CCDC85C: variants seen among roughly 807,000 people sequenced by gnomAD.
The protein encoded by CCDC85C is coiled-coil domain containing 85C, also known as coiled-coil domain-containing protein 85C.
CCDC85C carries 18 observed loss-of-function variants against 38.3 expected under a neutral mutation model. The ratio of observed to expected loss-of-function variants is 0.47; its 90% CI spans 0.33 to 0.70. The LOEUF (loss-of-function observed/expected upper bound fraction) is 0.70, where lower values mean the gene tolerates loss of function less well. Among genes scored for constraint, CCDC85C ranks in the 30% least tolerant of loss-of-function variants. The pLI is 0.03. For synonymous variants in CCDC85C, 264 were observed against 293.8 expected (o/e 0.90, Z 1.04); for missense variants, 566 against 621.2 (o/e 0.91, Z 0.94).
rs1346177381 is a variant in CCDC85C at position 99,503,394 on chromosome 14, A to G, written c.*11852T>C. The G allele has an allele frequency of 1.7e-6, 1 of 603,884 alleles. No homozygotes were observed. Among genetic ancestry groups the G allele is most frequent in the African/African-American group, 1.9e-5 (1 of 53,906 alleles). The allele number at this position is 603,884 out of a possible 1,614,324, so 37.4% of individuals were successfully genotyped here. A position where few individuals can be genotyped will look rare whatever the true frequency, so the allele number is the denominator to read the frequency against. ...AACTCACCATTCAGGAAAGCTAGTC[A>G]TTCTGTCTTATTTGGTAAATGGAAA... On this transcript the variant is annotated 3_prime_UTR_variant, in exon 6 of 6. Transcript: ENST00000380243.
At position 99,501,069 on chromosome 14, in the gene CCDC85C, A is replaced by T; in HGVS notation, c.*14177T>A. The T allele has an allele frequency of 5.0e-6, 3 of 602,520 alleles. No individual in the cohort carries two copies. The highest frequency in any genetic ancestry group is 5.8e-6 in the Non-Finnish European group (2 of 342,796). The allele number at this position is 602,520 out of a possible 1,614,324, so 37.3% of individuals were successfully genotyped here. A position where few individuals can be genotyped will look rare whatever the true frequency, so the allele number is the denominator to read the frequency against. ...TATGTATAAACAGGCTCTGTCATCC[A>T]GTTGCCAAGTGATGGGAGAGGCAGG... On this transcript the variant is annotated 3_prime_UTR_variant, in exon 6 of 6. Transcript: ENST00000380243.
rs74440231 is a variant in CCDC85C, at chr14:99,569,833, C to A, written c.793+33334G>T. On this transcript the variant is annotated intron_variant, in intron 1 of 5. Transcript: ENST00000380243. This position sits in a 1 kb window ranked among gnomAD's most constrained non-coding sequence, Gnocchi z 4.3. ...CTGCGGATACTGGAGGTTAGAAAGACCCCTGTTGTAATCCCAACTTTGGGA... is the reference window on the plus strand; with the variant it reads ...CTGCGGATACTGGAGGTTAGAAAGAACCCTGTTGTAATCCCAACTTTGGGA... 0.016 allele frequency among the ~76,000 whole-genome samples: 2,380 copies of A among 152,194 alleles called. 66 individuals are homozygous for A. Among genetic ancestry groups the A allele is most frequent in the African/African-American group, 0.054 (2,258 of 41,526 alleles).
At chr14:99,598,126 C>T (rs1337266814) in intron 1 of CCDC85C, among the ~76,000 whole-genome samples, 1 of 152,294 alleles carries the variant, frequency 6.6e-6, no homozygotes, top group South Asian at 2.1e-4. Flanking sequence ...ATGGGGCCTT[C>T]GCACATCAGG....
intron 1 of CCDC85C, among the ~76,000 whole-genome samples, chr14:99,571,539 G>A (rs1243536018): frequency 6.6e-6 from 1 of 152,224 alleles, no homozygotes; most frequent in Non-Finnish European, 1.5e-5. Flanking sequence ...CCCTGACGGG[G>A]AGGTTCAGCC....
intron 1 of CCDC85C, among the ~76,000 whole-genome samples, chr14:99,560,028 C>T (rs1057297409): frequency 6.6e-6 from 1 of 152,088 alleles, no homozygotes; most frequent in Non-Finnish European, 1.5e-5. Context: ...ATCAAACCTG[C>T]ACCTAGGCCC....
intron 1 of CCDC85C, among the ~76,000 whole-genome samples, chr14:99,578,544 C>T (rs757572354): frequency 3.9e-5 from 6 of 152,312 alleles, no homozygotes; most frequent in Non-Finnish European, 8.8e-5. Flanking sequence ...CACATGTCTC[C>T]ACACCCACAT....
intron 1 of CCDC85C, among the ~76,000 whole-genome samples, chr14:99,546,225 G>C (rs1022917037): frequency 5.9e-5 from 9 of 151,968 alleles, no homozygotes; most frequent in Non-Finnish European, 1.2e-4. Context: ...TGTGGGAAGA[G>C]CTGGGGGGCC....
At position 99,603,227 on chromosome 14, in the gene CCDC85C, G is replaced by T; in HGVS notation, c.733C>A (p.Arg245=). The change falls in exon 1 of 6, where the codon CGG becomes AGG. Residue 245 remains arginine, a synonymous_variant. Transcript: ENST00000380243. This position sits in a 1 kb window ranked among gnomAD's most constrained non-coding sequence, Gnocchi z 7.5. Reference sequence around the variant, plus strand: ...GGCGCCGACAAGTCGTCCAGGGACCGACGTGTGGCTCCTGCCTTGCCGTCG... The same window carrying T: ...GGCGCCGACAAGTCGTCCAGGGACCTACGTGTGGCTCCTGCCTTGCCGTCG... The part of the protein sequence containing the change: ...APDGKAGATR[R]SLDDLSAPPH... The T allele has an allele frequency of 5.6e-6, 8 of 1,420,400 alleles. No homozygotes were observed. 88.0% of individuals were successfully genotyped at this position (1,420,400 alleles called of 1,614,324 possible).
chr14:99,534,126 T>C (rs373096373), intron 2 of CCDC85C, among the ~76,000 whole-genome samples: 7 of 151,928 alleles, frequency 4.6e-5, no homozygotes, highest in African/African-American at 1.7e-4. Context: ...GAGCCTGATG[T>C]GAGAGGATCA....
chr14:99,502,690 G>A lies in CCDC85C; in HGVS notation c.*12556C>T, dbSNP rs750879696. 16 of 1,602,340 alleles carry A rather than the reference G, an allele frequency of 1.0e-5. 1 individual carries two copies. The South Asian group carries it at 1.7e-4, about 17-fold the overall frequency. On this transcript the variant is annotated 3_prime_UTR_variant, in exon 6 of 6. Coordinates refer to ENST00000380243, the MANE Select transcript of CCDC85C (RefSeq NM_001144995.2). ...AATTTTATTTAAAATACCAATTTGT[G>A]TAAAATGTAATTGTTGGCTATCATT...
At chr14:99,584,405 T>G (rs2055006269) in intron 1 of CCDC85C, among the ~76,000 whole-genome samples, 1 of 152,186 alleles carries the variant, frequency 6.6e-6, no homozygotes, top group Non-Finnish European at 1.5e-5. Context: ...GAGGTGCTCC[T>G]GCCCCCATCC....
At chr14:99,571,846 A>C (rs1401140999) in intron 1 of CCDC85C, among the ~76,000 whole-genome samples, 2 of 152,130 alleles carry the variant, frequency 1.3e-5, no homozygotes, top group Non-Finnish European at 2.9e-5. Context: ...AGAACAACAA[A>C]TCCCACCTGC....
At position 99,503,569 on chromosome 14, in the gene CCDC85C, T is replaced by C. The variant is rs1360419591; in HGVS notation, c.*11677A>G. ...ATAATCCATTTTTTTCTCATCATAC[T>C]CAGGATCCCAGTTAACAATTGTGTA... On this transcript the variant is annotated 3_prime_UTR_variant, in exon 6 of 6. Coordinates refer to ENST00000380243, the MANE Select transcript of CCDC85C (RefSeq NM_001144995.2). The C allele has an allele frequency of 1.3e-6, 2 of 1,530,122 alleles. No homozygotes were observed. The highest frequency in any genetic ancestry group is 1.8e-6 in the Non-Finnish European group (2 of 1,129,410). The allele number at this position is 1,530,122 out of a possible 1,614,324, so 94.8% of individuals were successfully genotyped here.
At chr14:99,534,356 CAAAA>C (rs80313731) in intron 2 of CCDC85C, among the ~76,000 whole-genome samples, 1 of 136,790 alleles carries the variant, frequency 7.3e-6, no homozygotes, top group African/African-American at 2.7e-5. Flanking sequence ...AATTCCATCT[CAAAA>C]AAAAAAAAAG....
Position 99,533,756 on chromosome 14 carries a change from G to A in CCDC85C, c.867+2259C>T, listed in dbSNP as rs1897537463. Among the ~76,000 whole-genome samples, 2 of 152,322 alleles carry A rather than the reference G, an allele frequency of 1.3e-5. No individual in the cohort carries two copies. The highest frequency in any genetic ancestry group is 3.9e-4 in the East Asian group (2 of 5,160). On this transcript the variant is annotated intron_variant, in intron 2 of 5. Transcript: ENST00000380243. The surrounding 1 kb of genome is among the most constrained non-coding windows in gnomAD (Gnocchi z 4.2). ...AGCCCGTCCATCCTTGAGGCTCAAG[G>A]CTGAAGCTCCCATCTACCTCCACCT...
At chr14:99,575,239 C>G (rs551563446) in intron 1 of CCDC85C, among the ~76,000 whole-genome samples, 3 of 152,328 alleles carry the variant, frequency 2.0e-5, no homozygotes, top group South Asian at 4.1e-4. Context: ...CATTAGGATG[C>G]TTAGTGTGCA....
chr14:99,603,067 C>T lies in CCDC85C; in HGVS notation c.793+100G>A, dbSNP rs2055221437. The T allele has an allele frequency of 2.4e-6, 3 of 1,246,544 alleles. No individual in the cohort carries two copies. Among genetic ancestry groups the T allele is most frequent in the Non-Finnish European group, 3.0e-6 (3 of 991,458 alleles). 77.2% of individuals were successfully genotyped at this position (1,246,544 alleles called of 1,614,324 possible). ...AGCTGGAGGAGTCTGGAGTGGCGGC[C>T]GCATGAGTGGGACAGCCAGGGACCA... On this transcript the variant is annotated intron_variant, in intron 1 of 5. Transcript: ENST00000380243. The surrounding 1 kb of genome is among the most constrained non-coding windows in gnomAD (Gnocchi z 7.5).
chr14:99,534,797 C>T (rs953244232), intron 2 of CCDC85C: 11 of 693,572 alleles, frequency 1.6e-5, no homozygotes, highest in Non-Finnish European at 2.9e-5. Flanking sequence ...GGGAAGCCAG[C>T]ACGGCCTGTG....
In CCDC85C at chr14:99,505,947, T is replaced by C. The variant is rs1269266424; in HGVS notation, c.*9299A>G. 6.6e-6 allele frequency: 1 copy of C among 152,378 alleles called. No individual in the cohort carries two copies. The highest frequency in any genetic ancestry group is 2.4e-5 in the African/African-American group (1 of 41,482). The allele number at this position is 152,378 out of a possible 1,614,324, so 9.4% of individuals were successfully genotyped here. A position where few individuals can be genotyped will look rare whatever the true frequency, so the allele number is the denominator to read the frequency against. On this transcript the variant is annotated 3_prime_UTR_variant, in exon 6 of 6. Coordinates refer to ENST00000380243, the MANE Select transcript of CCDC85C (RefSeq NM_001144995.2). ...TGGACAGCCCTGATGTAGACGGCTT[T>C]AGCTAACTATTACCAGCTGTGGAAA...
Sources: allele counts gnomAD v4.1 joint callset (sites outside exome capture counted in the v4.1 genomes callset), GRCh38; gene constraint gnomAD v4.1.1; non-coding constraint Gnocchi (gnomAD v3.1); transcripts MANE v1.5; gene names NCBI Gene and HGNC (gene_info 2026-07-23, HGNC 2026-07-21).